RPS6KA4: variants seen among roughly 807,000 people sequenced by gnomAD.
The protein encoded by RPS6KA4 is ribosomal protein S6 kinase A4.
In RPS6KA4, 38 loss-of-function variants were observed where a neutral mutation model predicts 89.6. The observed-to-expected ratio is 0.42, with a 90% CI of 0.33 to 0.56. The LOEUF (loss-of-function observed/expected upper bound fraction) is 0.56. Among genes scored for constraint, RPS6KA4 ranks in the 20% least tolerant of loss-of-function variants. RPS6KA4 has a pLI of 0.07. For synonymous variants in RPS6KA4, 495 were observed against 492.8 expected, an observed-to-expected ratio of 1.00 and a Z score of -0.06; for missense variants, 873 against 1,098.8, an observed-to-expected ratio of 0.79 and a Z score of 2.90.
chr11:64,371,247 C>T (rs369473228), intron 16 of RPS6KA4, 36 bp from the exon 17 acceptor site: 6 of 1,589,682 alleles, frequency 3.8e-6, no homozygotes, highest in African/African-American at 2.8e-5. Context: ...CGGGGTCAGG[C>T]GGGGGTGGGG....
Position 64,371,413 on chromosome 11 carries a change from CG to C in RPS6KA4, c.2255del (p.Gly752AlafsTer32), listed in dbSNP as rs1565075914. The C allele has an allele frequency of 1.9e-6, 3 of 1,608,782 alleles. No homozygotes were observed. Among genetic ancestry groups the C allele is most frequent in the Non-Finnish European group, 2.5e-6 (3 of 1,177,772 alleles). ...CGGGGCTCCCCTGCACCAGCCAACC[CG>C]GGCCGAGCCCCCGTCGCCTCCAAAG... ...SRRGSPAPAN[P>X]GRAPVASKGA... On this transcript the variant is annotated frameshift_variant, in exon 17 of 17. Transcript: ENST00000334205. LOFTEE classifies it high-confidence loss of function.
At chr11:64,362,575 GC>G (rs1171090725) in intron 8 of RPS6KA4, among the ~76,000 whole-genome samples, 1 of 152,256 alleles carries the variant, frequency 6.6e-6, no homozygotes, top group Non-Finnish European at 1.5e-5. Context: ...CAGGGGCTGG[GC>G]CTGGCCAGCG....
rs761960348 is a variant in RPS6KA4, at chr11:64,361,835, C to A, written c.756-17C>A. ...GTGGGGGGCTTGCTGCCCCTGACAC[C>A]CCCCCAATCCTCCCAGACGGATCCT... On this transcript the variant is annotated splice_polypyrimidine_tract_variant and intron_variant, in intron 7 of 16. Coordinates refer to ENST00000334205, the MANE Select transcript of RPS6KA4 (RefSeq NM_003942.3). The surrounding 1 kb of genome is among the most constrained non-coding windows in gnomAD (Gnocchi z 4.7). The A allele has an allele frequency of 3.1e-6, 5 of 1,587,432 alleles. No individual in the cohort carries two copies. In the South Asian group the frequency reaches 4.6e-5, roughly 14 times the overall value.
chr11:64,360,408 G>C, intron 3 of RPS6KA4, 27 bp downstream of exon 3: 1 of 1,561,224 alleles, frequency 6.4e-7, no homozygotes, highest in Non-Finnish European at 8.7e-7. Context: ...TCCCAACGGG[G>C]TTGGGGTGGC....
chr11:64,367,403 C>T (rs1490650757), intron 9 of RPS6KA4, among the ~76,000 whole-genome samples: 4 of 152,202 alleles, frequency 2.6e-5, no homozygotes, highest in East Asian at 1.9e-4. Context: ...CTCTGCCTCC[C>T]GGGTTCAAGC....
At chr11:64,362,693 C>T (rs900615310) in intron 8 of RPS6KA4, among the ~76,000 whole-genome samples, 5 of 152,164 alleles carry the variant, frequency 3.3e-5, no homozygotes, top group African/African-American at 9.7e-5. Flanking sequence ...ATTTTTTAGA[C>T]GGAGTTTCAC....
chr11:64,371,152 G>C, intron 16 of RPS6KA4, 131 bp from the exon 17 acceptor site: 1 of 754,936 alleles, frequency 1.3e-6, no homozygotes, highest in South Asian at 1.8e-5. Context: ...TCCGGTGGTC[G>C]GTCTGGAGGC....
chr11:64,369,734 G>C lies in RPS6KA4; in HGVS notation c.1638G>C (p.Pro546=). The C allele has an allele frequency of 1.2e-6, 2 of 1,611,156 alleles. No individual in the cohort carries two copies. Among genetic ancestry groups the C allele is most frequent in the Middle Eastern group, 1.7e-4 (1 of 6,044 alleles). Residue 546 remains proline, a synonymous_variant, in exon 14 of 17, where the codon CCG becomes CCC. Transcript: ENST00000334205. ...ILYADDTPGA[P]VKIIDFGFAR... ...ACGCCGACGACACGCCCGGGGCCCC[G>C]GTGAAAATCATCGACTTCGGGTTCG...
chr11:64,359,887 G>T (rs754449126), intron 2 of RPS6KA4: 42 of 566,670 alleles, frequency 7.4e-5, no homozygotes, highest in Non-Finnish European at 7.2e-5. Context: ...TCGCAGGTTT[G>T]CATATGCCCC....
At position 64,361,555 on chromosome 11, in the gene RPS6KA4, T is replaced by G. The variant is rs375925105; in HGVS notation, c.651+6T>G. ...GCAAGACGGGGCATGGCAAGGTAGGTTGGCAGGGAAGTGGGGCTGGGGGAG... is the reference window on the plus strand; with the variant it reads ...GCAAGACGGGGCATGGCAAGGTAGGGTGGCAGGGAAGTGGGGCTGGGGGAG... On this transcript the variant is annotated splice_donor_region_variant and intron_variant, in intron 6 of 16. Transcript: ENST00000334205. The surrounding 1 kb of genome is among the most constrained non-coding windows in gnomAD (Gnocchi z 4.7). 5.6e-6 allele frequency: 9 copies of G among 1,613,726 alleles called. No individual in the cohort carries two copies. Among genetic ancestry groups the G allele is most frequent in the Non-Finnish European group, 5.9e-6 (7 of 1,179,950 alleles).
Position 64,359,225 on chromosome 11 carries a change from A to G in RPS6KA4, c.-11A>G. 1 of 1,349,020 alleles carries G rather than the reference A, an allele frequency of 7.4e-7. No individual in the cohort carries two copies. Among genetic ancestry groups the G allele is most frequent in the East Asian group, 3.1e-5 (1 of 32,480 alleles). 83.6% of individuals were successfully genotyped at this position (1,349,020 alleles called of 1,614,324 possible). On this transcript the variant is annotated 5_prime_UTR_variant, in exon 1 of 17. Coordinates refer to ENST00000334205, the MANE Select transcript of RPS6KA4 (RefSeq NM_003942.3). ...AGCCCGAGCCGCGCGGGCCCCAGCG[A>G]CCCGCCCGCCATGGGGGACGAGGAC... is the stretch of plus-strand genomic sequence containing the variant.
intron 11 of RPS6KA4, 47 bp downstream of exon 11, chr11:64,368,648 T>TC: frequency 6.4e-7 from 1 of 1,563,338 alleles, no homozygotes; most frequent in East Asian, 2.3e-5. Context: ...CAGAGCGCTG[T>TC]CCCGGGGGCG....
chr11:64,368,764 C>G lies in RPS6KA4; in HGVS notation c.1395C>G (p.Asn465Lys). The change falls in exon 12 of 17, where the codon AAC becomes AAG. Residue 465 changes from asparagine to lysine, a missense_variant. Asn to Lys is a moderately conservative substitution (Grantham distance 94). This residue lies in a region of RPS6KA4 where 542 missense variants were observed against 736.4 expected (regional missense o/e 0.74). Transcript: ENST00000334205. ...TGCGCCTGTGCCAGTCACACCCCAA[C>G]GTGGTGAATCTGCACGAGGTGCATC... is the stretch of plus-strand genomic sequence containing the variant. The part of the protein sequence containing the change: ...AALRLCQSHP[N>K]VVNLHEVHHD... The G allele has an allele frequency of 6.4e-7, 1 of 1,572,046 alleles. No homozygotes were observed. The highest frequency in any genetic ancestry group is 1.2e-5 in the South Asian group (1 of 85,910).
intron 12 of RPS6KA4, 60 bp downstream of exon 12, chr11:64,368,857 G>C: frequency 1.9e-5 from 25 of 1,351,144 alleles, no homozygotes; most frequent in Non-Finnish European, 2.4e-5. Context: ...GGGCTTGGGG[G>C]CACTATGGGC....
Position 64,370,507 on chromosome 11 carries a change from T to G in RPS6KA4, c.1958-56T>G. The G allele has an allele frequency of 6.9e-6, 11 of 1,596,618 alleles. No individual in the cohort carries two copies. The highest frequency in any genetic ancestry group is 9.4e-6 in the Non-Finnish European group (11 of 1,172,104). On this transcript the variant is annotated intron_variant, in intron 15 of 16. Coordinates refer to ENST00000334205, the MANE Select transcript of RPS6KA4 (RefSeq NM_003942.3). The surrounding 1 kb of genome is among the most constrained non-coding windows in gnomAD (Gnocchi z 4.1). ...GGAGAGTGGGGCTGTTACGATCTCTTTGGGGCTCAGCCTTTACGCCAGGCT... is the reference window on the plus strand; with the variant it reads ...GGAGAGTGGGGCTGTTACGATCTCTGTGGGGCTCAGCCTTTACGCCAGGCT...
chr11:64,359,319 C>T (rs372151832), intron 1 of RPS6KA4, 29 bp downstream of exon 1: 5 of 1,602,832 alleles, frequency 3.1e-6, no homozygotes, highest in East Asian at 2.2e-5. Flanking sequence ...TGCGGCTGCC[C>T]GGGGCAGGCC....
At chr11:64,360,874 G>A (rs2036727264) in intron 4 of RPS6KA4, 2 of 570,512 alleles carry the variant, frequency 3.5e-6, no homozygotes, top group Non-Finnish European at 6.2e-6. Flanking sequence ...TCACGGCCTG[G>A]CTCCTAAGGC....
chr11:64,364,537 C>T (rs1423968956), intron 8 of RPS6KA4, among the ~76,000 whole-genome samples: 2 of 152,106 alleles, frequency 1.3e-5, no homozygotes, highest in Non-Finnish European at 2.9e-5. Flanking sequence ...CATGTTTTGG[C>T]TCTCATAAGT....
intron 8 of RPS6KA4, among the ~76,000 whole-genome samples, chr11:64,364,864 T>C (rs539933701): frequency 6.6e-6 from 1 of 151,844 alleles, no homozygotes; most frequent in South Asian, 2.1e-4. Context: ...CTCAGCCTTC[T>C]GAGTAGCTGG....
Sources: allele counts gnomAD v4.1 joint callset (sites outside exome capture counted in the v4.1 genomes callset), GRCh38; gene constraint gnomAD v4.1.1; regional missense constraint gnomAD v4.1.1; non-coding constraint Gnocchi (gnomAD v3.1); transcripts MANE v1.5; gene names NCBI Gene and HGNC (gene_info 2026-07-23, HGNC 2026-07-21).